PAX7: variants seen among roughly 807,000 people sequenced by gnomAD.
The protein encoded by PAX7 is paired box 7.
Under a neutral mutation model 50.7 loss-of-function variants are expected in PAX7, and 18 were observed. That is an observed-to-expected ratio of 0.36 (90% CI 0.25 to 0.53). The LOEUF is 0.53. Among genes scored for constraint, PAX7 ranks in the 20% least tolerant of loss-of-function variants. The pLI, the probability that PAX7 is intolerant of heterozygous loss-of-function variation, is 0.93. For missense variants in PAX7, 644 were observed against 702.9 expected, an observed-to-expected ratio of 0.92 and a Z score of 0.95; for synonymous variants, 310 against 290.4, an observed-to-expected ratio of 1.07 and a Z score of -0.69.
intron 4 of PAX7, among the ~76,000 whole-genome samples, chr1:18,648,814 G>A (rs930811392): frequency 1.3e-5 from 2 of 152,190 alleles, no homozygotes; most frequent in African/African-American, 4.8e-5. Flanking sequence ...TCACCGAGCC[G>A]AGAATGTACC....
chr1:18,732,076 T>TC (rs1017907467), intron 7 of PAX7, among the ~76,000 whole-genome samples: 1 of 152,186 alleles, frequency 6.6e-6, no homozygotes, highest in Admixed American at 6.5e-5. Context: ...CCTGGAAAGC[T>TC]CCCCTGCCTC....
At chr1:18,724,304 G>GGCT (rs908595420) in intron 7 of PAX7, among the ~76,000 whole-genome samples, 58 of 152,390 alleles carry the variant, frequency 3.8e-4, no homozygotes, top group African/African-American at 1.4e-3. Context: ...CAGTGGCTAA[G>GGCT]GCTGGCAGCA....
chr1:18,647,331 T>G (rs1239045264), intron 4 of PAX7, among the ~76,000 whole-genome samples: 1 of 152,092 alleles, frequency 6.6e-6, no homozygotes, highest in Non-Finnish European at 1.5e-5. Flanking sequence ...CTACATGGCT[T>G]GGGCACGCGG....
At chr1:18,727,788 C>A (rs530389570) in intron 7 of PAX7, among the ~76,000 whole-genome samples, 35 of 152,164 alleles carry the variant, frequency 2.3e-4, no homozygotes, top group African/African-American at 8.4e-4. Context: ...GGGAAGGGAA[C>A]CTTCTTGCCC....
chr1:18,653,372 G>A (rs2088464105), intron 4 of PAX7, among the ~76,000 whole-genome samples: 1 of 152,060 alleles, frequency 6.6e-6, no homozygotes, highest in African/African-American at 2.4e-5. Context: ...TGTTGTTGTT[G>A]CAACGGTGCT....
At chr1:18,715,752 A>G (rs2089412281) in intron 7 of PAX7, among the ~76,000 whole-genome samples, 1 of 152,210 alleles carries the variant, frequency 6.6e-6, no homozygotes, top group South Asian at 2.1e-4. Context: ...AAGTGTGTTC[A>G]TATATGCAAA....
intron 4 of PAX7, among the ~76,000 whole-genome samples, chr1:18,680,891 C>T (rs1007513016): frequency 5.3e-5 from 8 of 152,150 alleles, no homozygotes; most frequent in African/African-American, 1.9e-4. Flanking sequence ...GGCGCGGTGG[C>T]TCACGCCTGT....
At chr1:18,707,694 G>A (rs1449601144) in intron 7 of PAX7, among the ~76,000 whole-genome samples, 2 of 152,042 alleles carry the variant, frequency 1.3e-5, no homozygotes, top group African/African-American at 2.4e-5. Context: ...CAAAGTGTTA[G>A]GATTACAGGC....
chr1:18,690,978 C>T (rs1210471712), intron 4 of PAX7, among the ~76,000 whole-genome samples: 2 of 152,168 alleles, frequency 1.3e-5, no homozygotes, highest in South Asian at 2.1e-4. Flanking sequence ...GCTCTGGACA[C>T]GTGCACTTTT....
Position 18,703,098 on chromosome 1 carries a change from G to C in PAX7, c.957G>C (p.Gly319=). 1 of 1,613,534 alleles carries C rather than the reference G, an allele frequency of 6.2e-7. No individual in the cohort carries two copies. Among genetic ancestry groups the C allele is most frequent in the Non-Finnish European group, 8.5e-7 (1 of 1,179,762 alleles). The change falls in exon 7 of 9, where the codon GGG becomes GGC. Residue 319 remains glycine, a synonymous_variant. Coordinates refer to ENST00000420770, the MANE Select transcript of PAX7 (RefSeq NM_001135254.2). The part of the protein sequence containing the change: ...TYPTTTISQD[G]GSTVHRPQPL... ...CTCTCTTGGGTCTCTCTACAGATGG[G>C]GGCAGCACTGTGCACCGGCCTCAGC...
chr1:18,662,917 A>G (rs2088620773), intron 4 of PAX7, among the ~76,000 whole-genome samples: 1 of 124,848 alleles, frequency 8.0e-6, no homozygotes, highest in Non-Finnish European at 1.9e-5. Context: ...TTGTGAAGAA[A>G]AAAAAAAAAC....
chr1:18,739,912 G>A (rs1205192002), intron 8 of PAX7, among the ~76,000 whole-genome samples: 2 of 152,306 alleles, frequency 1.3e-5, no homozygotes, highest in African/African-American at 4.8e-5. Flanking sequence ...CTGATAGAAC[G>A]CTGAAGTGTG....
chr1:18,667,391 A>AAAGGAAGG (rs3080496), intron 4 of PAX7, among the ~76,000 whole-genome samples: 9,363 of 113,236 alleles, frequency 0.083, 491 homozygotes, highest in East Asian at 0.14. Context: ...AAGGAAGGAG[A>AAAGGAAGG]AAGGAAGGAA....
chr1:18,631,558 G>C lies in PAX7; in HGVS notation c.-46G>C, dbSNP rs1298537004. 5.9e-6 allele frequency: 9 copies of C among 1,525,114 alleles called. No individual in the cohort carries two copies. The East Asian group carries it at 1.6e-4, about 27-fold the overall frequency. 94.5% of individuals were successfully genotyped at this position (1,525,114 alleles called of 1,614,324 possible). On this transcript the variant is annotated 5_prime_UTR_variant, in exon 1 of 9. Transcript: ENST00000420770. The stretch of plus-strand genomic sequence containing the variant: ...CAGCAGGGGTGAAGGGAGCGGACGG[G>C]AAGCGATTTTTGCCGACTTTGGATT...
chr1:18,690,308 G>A (rs893915491), intron 4 of PAX7, among the ~76,000 whole-genome samples: 22 of 152,332 alleles, frequency 1.4e-4, no homozygotes, highest in Admixed American at 3.3e-4. Flanking sequence ...GAAGAGGAGT[G>A]GGGAGGAAGG....
At chr1:18,652,100 G>A (rs575063604) in intron 4 of PAX7, among the ~76,000 whole-genome samples, 28 of 152,074 alleles carry the variant, frequency 1.8e-4, no homozygotes, top group South Asian at 1.2e-3. Flanking sequence ...GGGCAGCAGC[G>A]GAAAGGCTGG....
chr1:18,743,751 A>G (rs372722708), intron 8 of PAX7, among the ~76,000 whole-genome samples: 2 of 152,232 alleles, frequency 1.3e-5, no homozygotes, highest in South Asian at 4.1e-4. Context: ...ATGCAGGTCA[A>G]GGGTCATCCC....
chr1:18,703,232 G>C lies in PAX7; in HGVS notation c.1091G>C (p.Ser364Thr). The change falls in exon 7 of 9, where the codon AGC becomes ACC. Residue 364 changes from serine (S) to threonine (T), a missense_variant. Transcript: ENST00000420770. The stretch of plus-strand genomic sequence containing the variant: ...CACAGCTTCTCCAGCTACTCTGACA[G>C]CTTCATGAATCCGGCGGCGCCCTCC... ...ARHSFSSYSD[S>T]FMNPAAPSNH... The C allele has an allele frequency of 6.2e-7, 1 of 1,614,230 alleles. No individual in the cohort carries two copies. The highest frequency in any genetic ancestry group is 8.5e-7 in the Non-Finnish European group (1 of 1,180,044).
chr1:18,736,608 T>G (rs1353047200), intron 8 of PAX7, among the ~76,000 whole-genome samples: 1 of 152,254 alleles, frequency 6.6e-6, no homozygotes, highest in African/African-American at 2.4e-5. Context: ...CTCTTCTTTA[T>G]GCTATGTCTT....
Sources: allele counts gnomAD v4.1 joint callset (sites outside exome capture counted in the v4.1 genomes callset), GRCh38; gene constraint gnomAD v4.1.1; transcripts MANE v1.5; gene names NCBI Gene and HGNC (gene_info 2026-07-23, HGNC 2026-07-21).